The following CACNA1B variants were observed in gnomAD, a reference collection of about 807,000 sequenced individuals.
The protein encoded by CACNA1B is voltage-dependent N-type calcium channel subunit alpha-1B.
A neutral mutation model predicts 247.2 loss-of-function variants in CACNA1B; 70 were observed. That is an observed-to-expected ratio of 0.28 (90% CI 0.23 to 0.35). The LOEUF is 0.35. Among genes scored for constraint, CACNA1B ranks in the 10% least tolerant of loss-of-function variants. The pLI, the probability that CACNA1B is intolerant of heterozygous loss-of-function variation, is 1.00. For missense variants in CACNA1B, 2,367 were observed against 3,197.4 expected (o/e 0.74, Z 6.26); for synonymous variants, 1,231 against 1,294.4 (o/e 0.95, Z 1.05).
In CACNA1B at chr9:137,888,454, CT is replaced by C. The variant is rs1274684098; in HGVS notation, c.530+5572del. On this transcript the variant is annotated intron_variant, in intron 3 of 46. Transcript: ENST00000371372. This position sits in a 1 kb window ranked among gnomAD's most constrained non-coding sequence, Gnocchi z 4.7. ...GCAGGGCCCCCAGAACCCCAAAGCC[CT>C]GCGCGTCCCCACCCCTGTTGTGGCT... Among the ~76,000 whole-genome samples, 2 of 152,242 alleles carry C rather than the reference CT, an allele frequency of 1.3e-5. No individual in the cohort carries two copies. The highest frequency in any genetic ancestry group is 2.4e-5 in the African/African-American group (1 of 41,464).
At chr9:138,017,325 C>T (rs756184332) in intron 18 of CACNA1B, 22 of 445,230 alleles carry the variant, frequency 4.9e-5, no homozygotes, top group East Asian at 6.9e-5. Context: ...AGCTCCAGGC[C>T]GGGCTTCTGT....
rs1338620442 is a variant in CACNA1B at position 137,973,214 on chromosome 9, G to A, written c.1543+1622G>A. Among the ~76,000 whole-genome samples the A allele has an allele frequency of 6.6e-6, 1 of 152,208 alleles. No homozygotes were observed. Among genetic ancestry groups the A allele is most frequent in the Non-Finnish European group, 1.5e-5 (1 of 68,032 alleles). On this transcript the variant is annotated intron_variant, in intron 11 of 46. Transcript: ENST00000371372. The surrounding 1 kb of genome is among the most constrained non-coding windows in gnomAD (Gnocchi z 4.1). ...ATCCCTGACCGTAGACCGCTACTGT[G>A]TCTTCTCTGTGGTTTCCTGGAGTTC...
chr9:138,069,794 A>C, intron 32 of CACNA1B, 31 bp downstream of exon 32: 1 of 1,602,128 alleles, frequency 6.2e-7, no homozygotes, highest in Non-Finnish European at 8.6e-7. Flanking sequence ...CGGTTCTTGC[A>C]AGTCCTTGCT....
In CACNA1B at chr9:138,115,529, C is replaced by A. The variant is rs199755478; in HGVS notation, c.5650-23C>A. 2.0e-4 allele frequency: 317 copies of A among 1,608,046 alleles called. 1 individual carries two copies. In the South Asian group the frequency reaches 3.4e-3, roughly 17 times the overall value. ...ATTGCAGGCCCATTGGAGCTCTTTC[C>A]CTTCCCTTTGCCTCCTTTGCAGATG... On this transcript the variant is annotated intron_variant, in intron 41 of 46. Coordinates refer to ENST00000371372, the MANE Select transcript of CACNA1B (RefSeq NM_000718.4).
intron 15 of CACNA1B, among the ~76,000 whole-genome samples, chr9:138,002,126 A>T (rs1483098315): frequency 6.6e-6 from 1 of 152,244 alleles, no homozygotes. Context: ...ATGACTTTTT[A>T]TAAAGCTATG....
At chr9:138,090,398 C>A (rs1212917440) in intron 36 of CACNA1B, among the ~76,000 whole-genome samples, 4 of 151,908 alleles carry the variant, frequency 2.6e-5, no homozygotes, top group African/African-American at 7.3e-5. Context: ...TTTACAAAAG[C>A]CAACTCAAAA....
chr9:137,931,801 G>A (rs564885786), intron 6 of CACNA1B, among the ~76,000 whole-genome samples: 79 of 152,212 alleles, frequency 5.2e-4, no homozygotes, highest in South Asian at 4.6e-3. Context: ...GTCTCTGGGC[G>A]AGAGGAAATG....
At chr9:138,103,069 G>A (rs1365531619) in intron 38 of CACNA1B, among the ~76,000 whole-genome samples, 1 of 151,914 alleles carries the variant, frequency 6.6e-6, no homozygotes, top group Non-Finnish European at 1.5e-5. Flanking sequence ...GAGCCCCCTG[G>A]AGGCTCAGGA....
At chr9:138,105,934 G>T in intron 39 of CACNA1B, 127 bp downstream of exon 39, 1 of 636,958 alleles carries the variant, frequency 1.6e-6, no homozygotes, top group Non-Finnish European at 2.8e-6. Flanking sequence ...GGGGTCTGAG[G>T]ACAGCTGCAC....
intron 15 of CACNA1B, among the ~76,000 whole-genome samples, chr9:137,999,245 A>T (rs1958535932): frequency 8.5e-6 from 1 of 117,384 alleles, no homozygotes; most frequent in South Asian, 2.3e-4. Context: ...AAAAATAAAA[A>T]ATAAAAAATG....
rs1958361197 is a variant in CACNA1B at position 137,986,323 on chromosome 9, A to G, written c.1770-90A>G. 1.0e-5 allele frequency: 15 copies of G among 1,438,998 alleles called. No homozygotes were observed. The South Asian group carries it at 1.6e-4, about 16-fold the overall frequency. 89.1% of individuals were successfully genotyped at this position (1,438,998 alleles called of 1,614,324 possible). A position where few individuals can be genotyped will look rare whatever the true frequency, so the allele number is the denominator to read the frequency against. ...GGTGTGCAGCCCTCAGGGTTTAGAA[A>G]GTCAGTGGAGCCTTAAGTGTGGCTG... On this transcript the variant is annotated intron_variant, in intron 13 of 46. Coordinates refer to ENST00000371372, the MANE Select transcript of CACNA1B (RefSeq NM_000718.4). This position sits in a 1 kb window ranked among gnomAD's most constrained non-coding sequence, Gnocchi z 6.0.
chr9:137,948,240 C>T (rs953417477), intron 6 of CACNA1B, among the ~76,000 whole-genome samples: 8 of 152,206 alleles, frequency 5.3e-5, no homozygotes, highest in East Asian at 1.9e-4. Context: ...CTCGGCCTCC[C>T]GAAGTGCTGG....
intron 21 of CACNA1B, among the ~76,000 whole-genome samples, chr9:138,045,998 C>T (rs1356738421): frequency 6.6e-6 from 1 of 152,160 alleles, no homozygotes; most frequent in Non-Finnish European, 1.5e-5. Context: ...GTGATGGGGG[C>T]CGTCTGCCCC....
rs558553381 is a variant in CACNA1B at position 137,954,895 on chromosome 9, A to T, written c.1071-803A>T. On this transcript the variant is annotated intron_variant, in intron 7 of 46. Coordinates refer to ENST00000371372, the MANE Select transcript of CACNA1B (RefSeq NM_000718.4). This position sits in a 1 kb window ranked among gnomAD's most constrained non-coding sequence, Gnocchi z 4.1. ...GTGTGTGTGTGAGAGAGAGAGAGAG[A>T]GAGAGAGGGGGAGAGAGAGAGAGAG... Among the ~76,000 whole-genome samples, 41 of 101,188 alleles carry T rather than the reference A, an allele frequency of 4.1e-4. No individual in the cohort carries two copies. The East Asian group carries it at 0.015, about 37-fold the overall frequency. The allele number at this position is 101,188 out of a possible 152,430, so 66.4% of individuals were successfully genotyped here. A position where few individuals can be genotyped will look rare whatever the true frequency, so the allele number is the denominator to read the frequency against.
At chr9:137,895,483 G>T (rs1270519053) in intron 3 of CACNA1B, among the ~76,000 whole-genome samples, 1 of 152,136 alleles carries the variant, frequency 6.6e-6, no homozygotes, top group African/African-American at 2.4e-5. Flanking sequence ...TAGGAACATG[G>T]TATATTTCTC....
intron 15 of CACNA1B, among the ~76,000 whole-genome samples, chr9:138,001,257 T>C (rs2133403814): frequency 1.1e-5 from 1 of 91,678 alleles, no homozygotes; most frequent in Non-Finnish European, 2.0e-5. Flanking sequence ...AAAAAAGTCA[T>C]ACTAAGAATT....
rs1040083857 is a variant in CACNA1B at position 138,058,504 on chromosome 9, T to A, written c.4309-65T>A. 7.0e-7 allele frequency: 1 copy of A among 1,428,642 alleles called. No individual in the cohort carries two copies. The highest frequency in any genetic ancestry group is 1.4e-5 in the African/African-American group (1 of 70,118). The allele number at this position is 1,428,642 out of a possible 1,614,324, so 88.5% of individuals were successfully genotyped here. Reference sequence around the variant, plus strand: ...TGAGGCCTGGCGAGACAGGGCTGGGTGCAGTAGATGCCGTCGGGTAGGTTT... The same window carrying A: ...TGAGGCCTGGCGAGACAGGGCTGGGAGCAGTAGATGCCGTCGGGTAGGTTT... On this transcript the variant is annotated intron_variant, in intron 28 of 46. Transcript: ENST00000371372. The surrounding 1 kb of genome is among the most constrained non-coding windows in gnomAD (Gnocchi z 4.7).
At chr9:137,987,289 C>G (rs886801621) in intron 15 of CACNA1B, among the ~76,000 whole-genome samples, 2 of 152,132 alleles carry the variant, frequency 1.3e-5, no homozygotes, top group African/African-American at 2.4e-5. Context: ...AACTACCCCC[C>G]TCAGCTCCTC....
Position 138,060,799 on chromosome 9 carries a change from T to C in CACNA1B, c.4668+1062T>C, listed in dbSNP as rs1324704956. Among the ~76,000 whole-genome samples, 3 of 152,168 alleles carry C rather than the reference T, an allele frequency of 2.0e-5. No homozygotes were observed. In the East Asian group the frequency reaches 5.8e-4, roughly 29 times the overall value. On this transcript the variant is annotated intron_variant, in intron 31 of 46. Transcript: ENST00000371372. ...TTCTTTAGGATGGTGCTGGTCATGG[T>C]CTCTGGGAGACAGAGCGGAGCTCCG...
Sources: gnomAD v4.1 joint callset for allele counts (sites outside exome capture counted in the v4.1 genomes callset) on GRCh38, gnomAD v4.1.1 for gene constraint, Gnocchi (gnomAD v3.1) non-coding constraint, MANE v1.5 for transcripts, NCBI Gene and HGNC (gene_info 2026-07-23, HGNC 2026-07-21) for gene names.